Variants in MUTYH observed in about 807,000 individuals in gnomAD.
The protein encoded by MUTYH is mutY DNA glycosylase, also known as adenine DNA glycosylase.
Under a neutral mutation model 72.9 loss-of-function variants are expected in MUTYH, and 64 were observed. That is an observed-to-expected ratio of 0.88 (90% CI 0.72 to 1.08). MUTYH has a LOEUF of 1.08. MUTYH is among the 50% of genes least tolerant of loss of function. The pLI is 0.00. For missense variants in MUTYH, 633 were observed against 671.0 expected, an observed-to-expected ratio of 0.94 and a Z score of 0.63; for synonymous variants, 234 against 263.1, an observed-to-expected ratio of 0.89 and a Z score of 1.07.
In MUTYH at chr1:45,337,598, T is replaced by C. The variant is rs182415409; in HGVS notation, c.-7+2301A>G. 3.9e-5 allele frequency among the ~76,000 whole-genome samples: 6 copies of C among 152,142 alleles called. No individual in the cohort carries two copies. In the East Asian group the frequency reaches 1.2e-3, roughly 29 times the overall value. ...GTCATTAAATTCTTGAGCAAGCTGG[T>C]TGTGGTGGCTCAACACTGTAATCCT... On this transcript the variant is annotated intron_variant, in intron 1 of 15. Coordinates refer to ENST00000456914, the MANE Select transcript of MUTYH (RefSeq NM_001048174.2).
chr1:45,333,279 A>G lies in MUTYH; in HGVS notation c.304+6T>C, dbSNP rs864622067. On this transcript the variant is annotated splice_donor_region_variant and intron_variant, in intron 4 of 15. Coordinates refer to ENST00000456914, the MANE Select transcript of MUTYH (RefSeq NM_001048174.2). The stretch of plus-strand genomic sequence containing the variant: ...AAGTGGCCCTGCTCTCAGGAGATGT[A>G]CTGACCAGCATATGCCCGCCTGTCC... The G allele has an allele frequency of 6.2e-7, 1 of 1,614,210 alleles. No individual in the cohort carries two copies. Among genetic ancestry groups the G allele is most frequent in the Non-Finnish European group, 8.5e-7 (1 of 1,180,030 alleles).
In MUTYH at chr1:45,331,756, C is replaced by G; in HGVS notation, c.1007G>C (p.Arg336Pro). The G allele has an allele frequency of 1.9e-6, 3 of 1,613,958 alleles. No homozygotes were observed. In the South Asian group the frequency reaches 3.3e-5, roughly 18 times the overall value. ...AGAGCTCTCCTCCCTGGGGGGCTTG[C>G]GGCTGGCCTTTCTGGGGAAGTTGAC... ...GVVNFPRKASRKPPREESSAT... is the reference protein window; with the variant it reads ...GVVNFPRKASPKPPREESSAT... The change falls in exon 12 of 16, where the codon CGC (arginine) becomes CCC (proline). Residue 336 changes from arginine to proline, a missense_variant. Arg to Pro is a moderately radical substitution (Grantham distance 103). Coordinates refer to ENST00000456914, the MANE Select transcript of MUTYH (RefSeq NM_001048174.2).
At position 45,331,910 on chromosome 1, in the gene MUTYH, G is replaced by C. The variant is rs1570390924; in HGVS notation, c.914-61C>G. 3 of 1,609,834 alleles carry C rather than the reference G, an allele frequency of 1.9e-6. No homozygotes were observed. In the African/African-American group the frequency reaches 4.0e-5, roughly 22 times the overall value. ...AGAGGGCTTTAGGGGCCAACCTAGA[G>C]AGTGGGCTTTGGCCGGGTTCTGCAG... On this transcript the variant is annotated intron_variant, in intron 11 of 15. Transcript: ENST00000456914.
rs749902808 is a variant in MUTYH at position 45,331,665 on chromosome 1, G to A, written c.1098C>T (p.Asn366=). The A allele has an allele frequency of 4.3e-6, 7 of 1,613,752 alleles. No individual in the cohort carries two copies. In the African/African-American group the frequency reaches 9.3e-5, roughly 22 times the overall value. ...GAQILLVQRP[N]SGLLAGLWEF... The stretch of plus-strand genomic sequence containing the variant: ...CCACGCCCAGTATCCAGGTACCTGA[G>A]TTGGGCCTCTGCACCAGCAGAATTT... Residue 366 remains asparagine (N), a synonymous_variant, in exon 12 of 16, where the codon AAC becomes AAT. Coordinates refer to ENST00000456914, the MANE Select transcript of MUTYH (RefSeq NM_001048174.2).
At chr1:45,331,954 G>T (rs1018930297) in intron 11 of MUTYH, 69 bp downstream of exon 11, 1 of 1,613,340 alleles carries the variant, frequency 6.2e-7, no homozygotes, top group African/African-American at 1.3e-5. Flanking sequence ...TCAGGTTAGA[G>T]GAAGAACTGG....
Position 45,329,445 on chromosome 1 carries a change from A to C in MUTYH, c.1435-8T>G. On this transcript the variant is annotated splice_region_variant and splice_polypyrimidine_tract_variant and intron_variant, in intron 15 of 15. Coordinates refer to ENST00000456914, the MANE Select transcript of MUTYH (RefSeq NM_001048174.2). Reference sequence around the variant, plus strand: ...CTGGGACCTTTTGGAACCCTGTGAAAAAATGGAAGGAGGGAGGCCTTGTAG... The same window carrying C: ...CTGGGACCTTTTGGAACCCTGTGAACAAATGGAAGGAGGGAGGCCTTGTAG... 6.2e-7 allele frequency: 1 copy of C among 1,613,952 alleles called. No individual in the cohort carries two copies. Among genetic ancestry groups the C allele is most frequent in the Non-Finnish European group, 8.5e-7 (1 of 1,179,916 alleles).
chr1:45,332,746 T>G lies in MUTYH; in HGVS notation c.492+17A>C. Reference sequence around the variant, plus strand: ...ACCCAAGACTCCTGGGTTCCTACCCTCCTGCCATCCCCTTACCTTCCGAGC... The same window carrying G: ...ACCCAAGACTCCTGGGTTCCTACCCGCCTGCCATCCCCTTACCTTCCGAGC... On this transcript the variant is annotated intron_variant, in intron 7 of 15. Coordinates refer to ENST00000456914, the MANE Select transcript of MUTYH (RefSeq NM_001048174.2). 1 of 1,614,124 alleles carries G rather than the reference T, an allele frequency of 6.2e-7. No individual in the cohort carries two copies. The highest frequency in any genetic ancestry group is 8.5e-7 in the Non-Finnish European group (1 of 1,179,996).
chr1:45,332,855 C>T, intron 6 of MUTYH, 21 bp from the exon 7 acceptor site: 1 of 1,614,124 alleles, frequency 6.2e-7, no homozygotes, highest in Non-Finnish European at 8.5e-7. Flanking sequence ...GATCAGAGGT[C>T]AAAGAGATCA....
chr1:45,339,985 G>C, upstream of MUTYH: 2 of 1,533,186 alleles, frequency 1.3e-6, no homozygotes, highest in Non-Finnish European at 1.8e-6. Context: ...CCTCCCGCGA[G>C]CTCTAGCGCG....
upstream of MUTYH, chr1:45,340,174 G>T (rs1646796858): frequency 1.2e-6 from 2 of 1,610,818 alleles, no homozygotes; most frequent in South Asian, 1.1e-5. Context: ...CCCCATCCCC[G>T]ACTGCCTGAA....
rs367545438 is a variant in MUTYH at position 45,333,247 on chromosome 1, C to T, written c.304+38G>A. The T allele has an allele frequency of 2.7e-5, 43 of 1,614,022 alleles. No individual in the cohort carries two copies. The highest frequency in any genetic ancestry group is 5.5e-5 in the South Asian group (5 of 91,082). On this transcript the variant is annotated intron_variant, in intron 4 of 15. Transcript: ENST00000456914. Reference sequence around the variant, plus strand: ...CCACAGCCCCCAGACCCAAGGGCCTCGAGGCAAAGTGGCCCTGCTCTCAGG... The same window carrying T: ...CCACAGCCCCCAGACCCAAGGGCCTTGAGGCAAAGTGGCCCTGCTCTCAGG...
intron 2 of MUTYH, chr1:45,334,069 T>C (rs1024229459): frequency 7.7e-6 from 3 of 390,572 alleles, no homozygotes; most frequent in Admixed American, 7.6e-5. Flanking sequence ...TGCAGTTGCA[T>C]TATCTTGACT....
At chr1:45,330,197 C>T (rs1258257243) in intron 15 of MUTYH, 1 of 285,228 alleles carries the variant, frequency 3.5e-6, no homozygotes, top group Non-Finnish European at 6.3e-6. Flanking sequence ...CGGGCCACTG[C>T]ACTCTAGCTT....
Position 45,331,756 on chromosome 1 carries a change from C to T in MUTYH, c.1007G>A (p.Arg336His), listed in dbSNP as rs587780741. Residue 336 changes from arginine to histidine, a missense_variant, in exon 12 of 16, where the codon CGC becomes CAC. Arg to His is a conservative substitution (Grantham distance 29). Transcript: ENST00000456914. ...AGAGCTCTCCTCCCTGGGGGGCTTG[C>T]GGCTGGCCTTTCTGGGGAAGTTGAC... The part of the protein sequence containing the change: ...GVVNFPRKAS[R>H]KPPREESSAT... The T allele has an allele frequency of 1.4e-5, 22 of 1,613,840 alleles. No homozygotes were observed. The highest frequency in any genetic ancestry group is 1.6e-4 in the Middle Eastern group (1 of 6,082).
chr1:45,332,540 G>A (rs1430446772), intron 8 of MUTYH, 34 bp downstream of exon 8: 5 of 1,613,778 alleles, frequency 3.1e-6, no homozygotes, highest in African/African-American at 1.3e-5. Flanking sequence ...AGGAGGCTGG[G>A]CACGCACAAA....
chr1:45,329,506 C>T (rs1644407395), intron 15 of MUTYH, 69 bp from the exon 16 acceptor site: 1 of 1,583,898 alleles, frequency 6.3e-7, no homozygotes, highest in Non-Finnish European at 8.6e-7. Context: ...TCTCCTTGTC[C>T]TCTCTCCCTT....
chr1:45,335,402 C>A (rs948519507), intron 1 of MUTYH, among the ~76,000 whole-genome samples: 8 of 152,118 alleles, frequency 5.3e-5, no homozygotes, highest in Admixed American at 1.3e-4. Flanking sequence ...AACTCTCCCC[C>A]CAAACCTTTG....
chr1:45,338,507 C>G (rs1646303941), intron 1 of MUTYH: 2 of 341,754 alleles, frequency 5.9e-6, no homozygotes, highest in South Asian at 6.7e-5. Flanking sequence ...TAGCTCTTAC[C>G]TAATGTAATT....
Position 45,332,211 on chromosome 1 carries a change from C to G in MUTYH, c.804G>C (p.Leu268=). The G allele has an allele frequency of 6.2e-7, 1 of 1,614,212 alleles. No homozygotes were observed. The highest frequency in any genetic ancestry group is 8.5e-7 in the Non-Finnish European group (1 of 1,180,008). Residue 268 remains leucine, a synonymous_variant, in exon 10 of 16, where the codon CTG becomes CTC. Coordinates refer to ENST00000456914, the MANE Select transcript of MUTYH (RefSeq NM_001048174.2). ...GGCTCTCCACAGGGCACTGGCTGCA[C>G]AGTGGGCGCTGTGGGGTACACACTG... ...GATVCTPQRP[L]CSQCPVESLC...
Sources: allele counts gnomAD v4.1 joint callset (sites outside exome capture counted in the v4.1 genomes callset), GRCh38; gene constraint gnomAD v4.1.1; transcripts MANE v1.5; gene names NCBI Gene and HGNC (gene_info 2026-07-23, HGNC 2026-07-21).